The following USP37 variants were observed in gnomAD, a reference collection of about 807,000 sequenced individuals.
USP37 encodes the protein ubiquitin specific peptidase 37, also known as ubiquitin carboxyl-terminal hydrolase 37.
A neutral mutation model predicts 124.0 loss-of-function variants in USP37; 27 were observed. The ratio of observed to expected loss-of-function variants is 0.22; its 90% CI spans 0.16 to 0.30. USP37 has a LOEUF of 0.30. Among genes scored for constraint, USP37 ranks in the 10% least tolerant of loss-of-function variants. USP37 has a pLI of 1.00. For synonymous variants in USP37, 365 were observed against 388.0 expected, an observed-to-expected ratio of 0.94 and a Z score of 0.70; for missense variants, 889 against 1,140.4, an observed-to-expected ratio of 0.78 and a Z score of 3.17.
intron 10 of USP37, among the ~76,000 whole-genome samples, chr2:218,522,298 C>A (rs1388005257): frequency 6.6e-6 from 1 of 152,026 alleles, no homozygotes; most frequent in Non-Finnish European, 1.5e-5. Context: ...CACACTGGCT[C>A]ATGCCTGTAA....
At chr2:218,535,787 G>A (rs186267816) in intron 8 of USP37, among the ~76,000 whole-genome samples, 69 of 151,842 alleles carry the variant, frequency 4.5e-4, no homozygotes, top group African/African-American at 1.4e-3. Context: ...CCCGGGAGGC[G>A]GAGCTTGCAG....
intron 10 of USP37, among the ~76,000 whole-genome samples, chr2:218,525,229 C>G (rs2106018951): frequency 6.6e-6 from 1 of 152,228 alleles, no homozygotes; most frequent in East Asian, 1.9e-4. Context: ...GCCTGTAATC[C>G]CAGCACTTTG....
intron 11 of USP37, among the ~76,000 whole-genome samples, chr2:218,500,004 A>C (rs1689286985): frequency 6.6e-6 from 1 of 152,142 alleles, no homozygotes; most frequent in Non-Finnish European, 1.5e-5. Flanking sequence ...CCAGGGCTCA[A>C]GCAATCCTCC....
chr2:218,543,079 T>C (rs946272639), intron 8 of USP37, among the ~76,000 whole-genome samples: 6 of 152,192 alleles, frequency 3.9e-5, no homozygotes, highest in African/African-American at 1.2e-4. Flanking sequence ...ACTGAACCTA[T>C]AGCTCTACAG....
At chr2:218,488,598 C>G (rs865921020) in intron 14 of USP37, among the ~76,000 whole-genome samples, 177 bp from the exon 15 acceptor site, 2 of 152,140 alleles carry the variant, frequency 1.3e-5, no homozygotes, top group South Asian at 2.1e-4. Context: ...TAAATTAATA[C>G]AGATAAAACC....
intron 5 of USP37, among the ~76,000 whole-genome samples, chr2:218,550,133 ATATACC>A (rs1195409436): frequency 6.6e-6 from 1 of 152,154 alleles, no homozygotes; most frequent in Admixed American, 6.5e-5. Flanking sequence ...TAAGTAACAC[ATATACC>A]TGAAAACATT....
chr2:218,483,071 A>C (rs980387104), intron 16 of USP37, among the ~76,000 whole-genome samples: 2 of 152,194 alleles, frequency 1.3e-5, no homozygotes, highest in Non-Finnish European at 2.9e-5. Flanking sequence ...AAAATTTGCA[A>C]ACTGAAGTTA....
chr2:218,513,099 CAT>C (rs140874315), intron 10 of USP37, among the ~76,000 whole-genome samples: 126 of 148,758 alleles, frequency 8.5e-4, no homozygotes, highest in Middle Eastern at 3.5e-3. Flanking sequence ...ATAATATAGG[CAT>C]ATATATATAT....
At chr2:218,464,250 T>C (rs1690188809) in intron 21 of USP37, among the ~76,000 whole-genome samples, 1 of 152,032 alleles carries the variant, frequency 6.6e-6, no homozygotes, top group Non-Finnish European at 1.5e-5. Flanking sequence ...TTTTTTTTTT[T>C]TTGAGACAGA....
At chr2:218,476,796 GAT>G in intron 19 of USP37, 42 bp downstream of exon 19, 1 of 1,569,760 alleles carries the variant, frequency 6.4e-7, no homozygotes, top group Non-Finnish European at 8.6e-7. Flanking sequence ...GACAGTAAGA[GAT>G]AAACAAATCT....
chr2:218,548,375 C>A (rs1405305028), intron 6 of USP37, among the ~76,000 whole-genome samples: 5 of 148,676 alleles, frequency 3.4e-5, no homozygotes, highest in African/African-American at 1.3e-4. Context: ...GAGTCTTACT[C>A]TGTCAACCAG....
At chr2:218,532,283 T>C (rs1691371476) in intron 9 of USP37, among the ~76,000 whole-genome samples, 1 of 151,596 alleles carries the variant, frequency 6.6e-6, no homozygotes, top group Non-Finnish European at 1.5e-5. Flanking sequence ...CTGGCCAATA[T>C]GGTGAAACCC....
chr2:218,479,175 C>T (rs1691121162), intron 18 of USP37, among the ~76,000 whole-genome samples: 1 of 152,122 alleles, frequency 6.6e-6, no homozygotes, highest in Admixed American at 6.5e-5. Flanking sequence ...TTGTAGAATG[C>T]TTGCTTGTTT....
chr2:218,513,104 A>G (rs1248468245), intron 10 of USP37, among the ~76,000 whole-genome samples: 7 of 151,946 alleles, frequency 4.6e-5, no homozygotes, highest in Non-Finnish European at 1.0e-4. Flanking sequence ...ATAGGCATAT[A>G]TATATATATA....
At chr2:218,471,740 C>T (rs1055447478) in intron 20 of USP37, among the ~76,000 whole-genome samples, 2 of 151,946 alleles carry the variant, frequency 1.3e-5, no homozygotes, top group Non-Finnish European at 2.9e-5. Context: ...GAAAGATCAG[C>T]TGGGGCTGGG....
chr2:218,510,169 C>G, intron 10 of USP37, 29 bp from the exon 11 acceptor site: 1 of 1,583,368 alleles, frequency 6.3e-7, no homozygotes. Context: ...AATGAAGAAG[C>G]AAAATAAATT....
In USP37 at chr2:218,476,929, T is replaced by C. The variant is rs1388070651; in HGVS notation, c.1954A>G (p.Ser652Gly). Residue 652 changes from serine to glycine, a missense_variant, in exon 19 of 26, where the codon AGT becomes GGT. By Grantham distance (56) the Ser-to-Gly change is moderately conservative (BLOSUM62 0). Coordinates refer to ENST00000258399, the MANE Select transcript of USP37 (RefSeq NM_020935.3). ...SSLALCLDSD[S>G]EDELKRSVAL... ...ACAGAACGTTTTAGCTCATCCTCACTGTCTGAATCAAGGCATAAAGCCAAG... is the reference window on the plus strand; with the variant it reads ...ACAGAACGTTTTAGCTCATCCTCACCGTCTGAATCAAGGCATAAAGCCAAG... 1 of 1,604,194 alleles carries C rather than the reference T, an allele frequency of 6.2e-7. No individual in the cohort carries two copies. The highest frequency in any genetic ancestry group is 1.7e-5 in the Admixed American group (1 of 58,498).
At chr2:218,476,185 A>C (rs901027983) in intron 19 of USP37, among the ~76,000 whole-genome samples, 11 of 152,230 alleles carry the variant, frequency 7.2e-5, no homozygotes, top group Non-Finnish European at 1.0e-4. Flanking sequence ...ATAATTATCT[A>C]TATATTAATC....
chr2:218,494,634 T>C (rs1370101322), intron 14 of USP37, among the ~76,000 whole-genome samples: 1 of 152,208 alleles, frequency 6.6e-6, no homozygotes, highest in African/African-American at 2.4e-5. Flanking sequence ...TAATTCTGCA[T>C]TAAGTCATGT....
Sources: allele counts gnomAD v4.1 joint callset (sites outside exome capture counted in the v4.1 genomes callset), GRCh38; gene constraint gnomAD v4.1.1; transcripts MANE v1.5; gene names NCBI Gene and HGNC (gene_info 2026-07-23, HGNC 2026-07-21).